The following LYPD6 variants were observed in gnomAD, a reference collection of about 807,000 sequenced individuals.
LYPD6 encodes the protein LY6/PLAUR domain containing 6.
Under a neutral mutation model 22.7 loss-of-function variants are expected in LYPD6, and 15 were observed. That is an observed-to-expected ratio of 0.66 (90% confidence interval 0.44 to 1.02). The LOEUF is 1.02. Ranked by LOEUF, LYPD6 falls within the 50% of genes least tolerant of loss-of-function variation. LYPD6 has a pLI of 0.00. For missense variants in LYPD6, 189 were observed against 208.4 expected (o/e 0.91, Z 0.57); for synonymous variants, 72 against 77.5 (o/e 0.93, Z 0.37).
In LYPD6 at chr2:149,468,148, C is replaced by CACACACAA. The variant is rs1473065665; in HGVS notation, c.218-490_218-489insAACACACA. ...CTTCCCCCCAACACACACACACACACACACACACACACACACACACACACA... is the reference window on the plus strand; with the variant it reads ...CTTCCCCCCAACACACACACACACACACACACAAACACACACACACACACACACACACA... On this transcript the variant is annotated intron_variant, in intron 3 of 4. Transcript: ENST00000334166. Among the ~76,000 whole-genome samples, 180 of 137,726 alleles carry CACACACAA rather than the reference C, an allele frequency of 1.3e-3. 1 individual carries two copies. The highest frequency in any genetic ancestry group is 1.9e-3 in the Non-Finnish European group (125 of 65,862). The allele number at this position is 137,726 out of a possible 152,430, so 90.4% of individuals were successfully genotyped here. A position where few individuals can be genotyped will look rare whatever the true frequency, so the allele number is the denominator to read the frequency against.
chr2:149,332,454 A>G (rs1680957133), intron 1 of LYPD6, among the ~76,000 whole-genome samples: 2 of 150,474 alleles, frequency 1.3e-5, no homozygotes, highest in Admixed American at 1.3e-4. Flanking sequence ...ATCAAGTAAA[A>G]AACCATACCA....
chr2:149,382,656 A>G (rs547999838), intron 1 of LYPD6, among the ~76,000 whole-genome samples: 10 of 152,230 alleles, frequency 6.6e-5, no homozygotes, highest in African/African-American at 2.4e-4. Context: ...CTTGATTCAA[A>G]TCTTACATAA....
intron 1 of LYPD6, among the ~76,000 whole-genome samples, chr2:149,400,940 G>A (rs1682541670): frequency 6.6e-6 from 1 of 152,106 alleles, no homozygotes; most frequent in African/African-American, 2.4e-5. Context: ...AAGCTTTGGG[G>A]GATACCATTC....
At chr2:149,483,442 G>A in the LYPD6 span, among the ~76,000 whole-genome samples, 1 of 151,498 alleles carries the variant, frequency 6.6e-6, no homozygotes, top group Non-Finnish European at 1.5e-5. Flanking sequence ...ACTAAAGCAT[G>A]AGAAGGTCTC....
At chr2:149,377,780 C>CT (rs1681959424) in intron 1 of LYPD6, among the ~76,000 whole-genome samples, 1 of 52,832 alleles carries the variant, frequency 1.9e-5, no homozygotes, top group Non-Finnish European at 3.3e-5. Flanking sequence ...ACTTTGTCCC[C>CT]ACCCCCCCCC....
At chr2:149,411,548 C>T (rs935154507) in intron 1 of LYPD6, among the ~76,000 whole-genome samples, 4 of 152,096 alleles carry the variant, frequency 2.6e-5, no homozygotes, top group African/African-American at 4.8e-5. Flanking sequence ...CTTCTCAAAT[C>T]CATTTTGCTA....
intron 3 of LYPD6, among the ~76,000 whole-genome samples, chr2:149,456,312 A>G (rs1045543858): frequency 1.3e-5 from 2 of 152,126 alleles, no homozygotes; most frequent in Non-Finnish European, 2.9e-5. Flanking sequence ...CCAAATAGTA[A>G]ATAGCATGAT....
At chr2:149,438,495 G>C (rs1268015726) in intron 2 of LYPD6, among the ~76,000 whole-genome samples, 2 of 152,178 alleles carry the variant, frequency 1.3e-5, no homozygotes, top group Non-Finnish European at 2.9e-5. Context: ...TTGTCTCTTT[G>C]TATGAATCCT....
Position 149,424,909 on chromosome 2 carries a change from T to C in LYPD6, c.-71-12729T>C, listed in dbSNP as rs141139894. On this transcript the variant is annotated intron_variant, in intron 1 of 4. Transcript: ENST00000334166. ...TCCCCAAAGGTTCGTCTTAGGGTTG[T>C]TTTGAAGACAGAATTGGGCCCTAGT... 2.0e-4 allele frequency among the ~76,000 whole-genome samples: 31 copies of C among 152,228 alleles called. No homozygotes were observed. The East Asian group carries it at 5.8e-3, about 28-fold the overall frequency.
At chr2:149,334,724 T>G (rs1681002165) in intron 1 of LYPD6, among the ~76,000 whole-genome samples, 1 of 151,806 alleles carries the variant, frequency 6.6e-6, no homozygotes, top group South Asian at 2.1e-4. Context: ...GAGATGGATA[T>G]TCAAAGTAAA....
intron 1 of LYPD6, among the ~76,000 whole-genome samples, chr2:149,397,714 A>G (rs1682457521): frequency 1.3e-5 from 2 of 152,326 alleles, no homozygotes; most frequent in South Asian, 2.1e-4. Flanking sequence ...GTCTTGTATG[A>G]GTATAGAAGT....
intron 1 of LYPD6, among the ~76,000 whole-genome samples, chr2:149,331,324 G>T (rs945950868): frequency 6.6e-6 from 1 of 152,194 alleles, no homozygotes; most frequent in Non-Finnish European, 1.5e-5. Flanking sequence ...GGCTTGACTT[G>T]GCGACCTGTT....
intron 1 of LYPD6, among the ~76,000 whole-genome samples, chr2:149,354,516 T>C (rs1236976649): frequency 6.6e-6 from 1 of 152,102 alleles, no homozygotes; most frequent in African/African-American, 2.4e-5. Flanking sequence ...TCCTATAGCA[T>C]TTTAAAAGGC....
chr2:149,384,011 T>C (rs932597766), intron 1 of LYPD6, among the ~76,000 whole-genome samples: 2 of 152,164 alleles, frequency 1.3e-5, no homozygotes, highest in African/African-American at 2.4e-5. Context: ...TAAATTCCTG[T>C]TTTTTCTACA....
chr2:149,365,757 G>C (rs943993759), intron 1 of LYPD6, among the ~76,000 whole-genome samples: 1 of 151,924 alleles, frequency 6.6e-6, no homozygotes, highest in Non-Finnish European at 1.5e-5. Context: ...GAAGTGAAGA[G>C]AAATTAAATA....
At chr2:149,352,035 G>A (rs1306492007) in intron 1 of LYPD6, among the ~76,000 whole-genome samples, 2 of 152,084 alleles carry the variant, frequency 1.3e-5, no homozygotes, top group Non-Finnish European at 2.9e-5. Context: ...AGATTTGTTG[G>A]TTGATATTTC....
chr2:149,400,956 T>C (rs1462555084), intron 1 of LYPD6, among the ~76,000 whole-genome samples: 1 of 152,224 alleles, frequency 6.6e-6, no homozygotes, highest in Non-Finnish European at 1.5e-5. Flanking sequence ...CATTCTCATT[T>C]CATCTTTCCA....
chr2:149,454,540 A>G (rs1680907254), intron 3 of LYPD6, among the ~76,000 whole-genome samples: 1 of 152,176 alleles, frequency 6.6e-6, no homozygotes, highest in Non-Finnish European at 1.5e-5. Context: ...GTTTCTTAAT[A>G]CTATGAACAT....
At chr2:149,373,211 G>C (rs755900757) in intron 1 of LYPD6, among the ~76,000 whole-genome samples, 2 of 152,100 alleles carry the variant, frequency 1.3e-5, no homozygotes, top group Non-Finnish European at 2.9e-5. Flanking sequence ...GTGGAGGGAA[G>C]GGCCAGTGCC....
Sources: allele counts gnomAD v4.1 joint callset (sites outside exome capture counted in the v4.1 genomes callset), GRCh38; gene constraint gnomAD v4.1.1; transcripts MANE v1.5; gene names NCBI Gene and HGNC (gene_info 2026-07-23, HGNC 2026-07-21).